Variants in LDLRAP1 observed in about 807,000 individuals in gnomAD.
LDLRAP1 encodes low density lipoprotein receptor adapter protein 1.
A neutral mutation model predicts 37.8 loss-of-function variants in LDLRAP1; 30 were observed. That is an observed-to-expected ratio of 0.79 (90% CI 0.59 to 1.08). The LOEUF (loss-of-function observed/expected upper bound fraction) is 1.08, where lower values mean the gene tolerates loss of function less well. Ranked by LOEUF, LDLRAP1 falls within the 50% of genes least tolerant of loss-of-function variation. LDLRAP1 has a pLI of 0.00. For missense variants in LDLRAP1, 375 were observed against 401.6 expected (o/e 0.93, Z 0.57); for synonymous variants, 156 against 169.8 (o/e 0.92, Z 0.63).
the LDLRAP1 span, among the ~76,000 whole-genome samples, chr1:25,586,417 C>T: frequency 6.6e-6 from 1 of 152,190 alleles, no homozygotes; most frequent in African/African-American, 2.4e-5. The surrounding 1 kb of genome is among the most constrained non-coding windows in gnomAD (Gnocchi z 4.3). Context: ...TCCCTGCAGA[C>T]ACCAGCGTCC....
At chr1:25,589,360 TA>T in the LDLRAP1 span, among the ~76,000 whole-genome samples, 1 of 148,564 alleles carries the variant, frequency 6.7e-6, no homozygotes, top group Admixed American at 6.9e-5. Context: ...TGAGCAACAC[TA>T]AGGAGTATGC....
the LDLRAP1 span, among the ~76,000 whole-genome samples, chr1:25,579,605 G>A: frequency 6.6e-6 from 1 of 152,214 alleles, no homozygotes; most frequent in African/African-American, 2.4e-5. Flanking sequence ...AGAATGTAGG[G>A]ATTTAAGCTT....
chr1:25,574,435 G>A, the LDLRAP1 span, among the ~76,000 whole-genome samples: 1,245 of 152,340 alleles, frequency 8.2e-3, 6 homozygotes, highest in Admixed American at 0.015. Context: ...GCGGGCAGAT[G>A]GAAGGTTGAA....
intron 4 of LDLRAP1, chr1:25,557,471 A>G (rs919541140): frequency 3.5e-5 from 21 of 599,272 alleles, no homozygotes; most frequent in Non-Finnish European, 5.7e-5. Flanking sequence ...ACCGCCGGTC[A>G]GCTTTGTGTG....
intron 4 of LDLRAP1, among the ~76,000 whole-genome samples, chr1:25,560,033 C>T (rs1302257161): frequency 7.0e-6 from 1 of 143,276 alleles, no homozygotes; most frequent in African/African-American, 2.6e-5. Flanking sequence ...GCTTTGAAGG[C>T]TGAGGAGCCA....
intron 4 of LDLRAP1, 41 bp from the exon 5 acceptor site, chr1:25,562,603 C>T: frequency 6.4e-7 from 1 of 1,572,654 alleles, no homozygotes; most frequent in Non-Finnish European, 8.8e-7. Context: ...TCTGCCCTGG[C>T]TGACACTGCA....
intron 4 of LDLRAP1, among the ~76,000 whole-genome samples, chr1:25,560,281 GCCT>G (rs1313400490): frequency 6.6e-6 from 1 of 152,158 alleles, no homozygotes; most frequent in African/African-American, 2.4e-5. Flanking sequence ...GTGGCTGGGG[GCCT>G]CCACATCCCT....
chr1:25,564,042 G>A (rs570566539), intron 7 of LDLRAP1: 20 of 543,198 alleles, frequency 3.7e-5, no homozygotes, highest in South Asian at 2.3e-4. Flanking sequence ...TGGCCTGAGC[G>A]TCCACGGCTC....
intron 1 of LDLRAP1, among the ~76,000 whole-genome samples, chr1:25,550,283 A>G (rs2044043448): frequency 6.6e-6 from 1 of 152,120 alleles, no homozygotes; most frequent in Non-Finnish European, 1.5e-5. Context: ...AAGATGAAAA[A>G]CTGAGGTTCA....
At position 25,566,998 on chromosome 1, in the gene LDLRAP1, CG is replaced by C; in HGVS notation, c.*10del. ...ATGACCTCTTCAGCTTCTGAGGGCC[CG>C]GGGCCAGCCGGACACAAGCGGCCCT... On this transcript the variant is annotated 3_prime_UTR_variant, in exon 9 of 9. Transcript: ENST00000374338. The C allele has an allele frequency of 1.2e-6, 2 of 1,613,156 alleles. No individual in the cohort carries two copies. The highest frequency in any genetic ancestry group is 2.2e-5 in the South Asian group (2 of 91,080).
At chr1:25,543,846 C>G (rs1333623846) in intron 1 of LDLRAP1, 60 bp downstream of exon 1, 2 of 1,102,254 alleles carry the variant, frequency 1.8e-6, no homozygotes, top group African/African-American at 1.6e-5. Flanking sequence ...GCGGGGCCTC[C>G]GCGGGCGCCC....
rs2043856219 is a variant in LDLRAP1, at chr1:25,543,698, C to T, written c.-1C>T. On this transcript the variant is annotated 5_prime_UTR_variant, in exon 1 of 9. Coordinates refer to ENST00000374338, the MANE Select transcript of LDLRAP1 (RefSeq NM_015627.3). ...AGCGGCGGCGGCGGCCGGAGCGGGC[C>T]ATGGACGCGCTCAAGTCGGCGGGGC... The T allele has an allele frequency of 3.3e-6, 4 of 1,215,330 alleles. No individual in the cohort carries two copies. Among genetic ancestry groups the T allele is most frequent in the Non-Finnish European group, 4.1e-6 (4 of 977,510 alleles). The allele number at this position is 1,215,330 out of a possible 1,614,324, so 75.3% of individuals were successfully genotyped here.
rs765471309 is a variant in LDLRAP1, at chr1:25,566,941, G to A, written c.876G>A (p.Trp292Ter). 1.9e-6 allele frequency: 3 copies of A among 1,613,468 alleles called. No homozygotes were observed. The highest frequency in any genetic ancestry group is 3.3e-5 in the Admixed American group (2 of 60,008). The change falls in exon 9 of 9, where the codon TGG (tryptophan) becomes TGA (stop). Residue 292 changes from tryptophan to a stop codon, truncating the protein, a stop_gained. Coordinates refer to ENST00000374338, the MANE Select transcript of LDLRAP1 (RefSeq NM_015627.3). LOFTEE classifies it high-confidence loss of function. ...HYAQCLSPVD[W>*]DKPDSSGTEQ... Reference sequence around the variant, plus strand: ...CCCAGTGCCTCTCGCCTGTCGACTGGGACAAGCCTGACAGCAGCGGCACAG... The same window carrying A: ...CCCAGTGCCTCTCGCCTGTCGACTGAGACAAGCCTGACAGCAGCGGCACAG...
chr1:25,566,131 A>T (rs1411683441), intron 8 of LDLRAP1, among the ~76,000 whole-genome samples: 17 of 152,140 alleles, frequency 1.1e-4, no homozygotes, highest in Non-Finnish European at 2.4e-4. Flanking sequence ...TGTGCCCTTT[A>T]TTAACAATTT....
the LDLRAP1 span, among the ~76,000 whole-genome samples, chr1:25,575,715 C>T: frequency 6.6e-6 from 1 of 152,188 alleles, no homozygotes; most frequent in Non-Finnish European, 1.5e-5. Context: ...CTTGGGCCTA[C>T]TGTGGAGATT....
the LDLRAP1 span, among the ~76,000 whole-genome samples, chr1:25,587,603 G>A: frequency 1.3e-5 from 2 of 152,206 alleles, no homozygotes; most frequent in Admixed American, 6.5e-5. Context: ...CCAATGGCAG[G>A]ACTTGTGCTG....
At chr1:25,587,333 T>C in the LDLRAP1 span, among the ~76,000 whole-genome samples, 2 of 152,116 alleles carry the variant, frequency 1.3e-5, no homozygotes, top group Non-Finnish European at 2.9e-5. Context: ...ATTTTTTATT[T>C]TGTAGAGACA....
At chr1:25,563,932 C>T (rs1352122350) in intron 7 of LDLRAP1, 141 bp downstream of exon 7, 7 of 1,042,878 alleles carry the variant, frequency 6.7e-6, no homozygotes, top group East Asian at 2.5e-5. Context: ...AGTGCCCAGG[C>T]GCAGGATAGG....
rs558657925 is a variant in LDLRAP1 at position 25,567,603 on chromosome 1, C to T, written c.*611C>T. On this transcript the variant is annotated 3_prime_UTR_variant, in exon 9 of 9. Coordinates refer to ENST00000374338, the MANE Select transcript of LDLRAP1 (RefSeq NM_015627.3). ...TGACCAAAGACGATACAGCTTGGCACTTTAAAGCATTAACAGCAGGTGTGA... is the reference window on the plus strand; with the variant it reads ...TGACCAAAGACGATACAGCTTGGCATTTTAAAGCATTAACAGCAGGTGTGA... 31 of 182,200 alleles carry T rather than the reference C, an allele frequency of 1.7e-4. No individual in the cohort carries two copies. The highest frequency in any genetic ancestry group is 3.0e-4 in the Non-Finnish European group (26 of 85,932). The allele number at this position is 182,200 out of a possible 1,614,324, so 11.3% of individuals were successfully genotyped here.
Sources: allele counts gnomAD v4.1 joint callset (sites outside exome capture counted in the v4.1 genomes callset), GRCh38; gene constraint gnomAD v4.1.1; non-coding constraint Gnocchi (gnomAD v3.1); transcripts MANE v1.5; gene names NCBI Gene and HGNC (gene_info 2026-07-23, HGNC 2026-07-21).